Variants in MGMT observed in about 807,000 individuals in gnomAD.
The protein encoded by MGMT is methylated-DNA--protein-cysteine methyltransferase.
In MGMT, 14 loss-of-function variants were observed where a neutral mutation model predicts 15.9. That is an observed-to-expected ratio of 0.88 (90% confidence interval 0.58 to 1.37). The LOEUF is 1.37. Among genes scored for constraint, MGMT ranks in the 40% most tolerant of loss-of-function variants. The pLI is 0.00. For synonymous variants in MGMT, 130 were observed against 118.2 expected (o/e 1.10, Z -0.65); for missense variants, 282 against 268.1 (o/e 1.05, Z -0.36).
chr10:129,521,237 G>T (rs12241333), intron 1 of MGMT, among the ~76,000 whole-genome samples: 1 of 151,952 alleles, frequency 6.6e-6, no homozygotes, highest in African/African-American at 2.4e-5. Context: ...TCATTATTTG[G>T]GAAGTGAGGA....
chr10:129,766,178 C>T (rs1848931915), intron 4 of MGMT, among the ~76,000 whole-genome samples: 1 of 152,198 alleles, frequency 6.6e-6, no homozygotes, highest in South Asian at 2.1e-4. Flanking sequence ...TTGGCCAAGT[C>T]CTCCTGTCAA....
intron 3 of MGMT, among the ~76,000 whole-genome samples, chr10:129,758,906 G>C (rs550532036): frequency 6.6e-6 from 1 of 152,362 alleles, no homozygotes; most frequent in African/African-American, 2.4e-5. Flanking sequence ...CCAGTCGCTA[G>C]AAGAGTGGCA....
intron 2 of MGMT, among the ~76,000 whole-genome samples, chr10:129,622,090 CT>C (rs1436804611): frequency 6.6e-6 from 1 of 152,180 alleles, no homozygotes; most frequent in Non-Finnish European, 1.5e-5. Flanking sequence ...GTTTCTTCCT[CT>C]GGAGTGGATA....
intron 2 of MGMT, among the ~76,000 whole-genome samples, chr10:129,578,571 T>A (rs989004330): frequency 6.6e-6 from 1 of 152,028 alleles, no homozygotes; most frequent in African/African-American, 2.4e-5. Flanking sequence ...TTAGGAGATA[T>A]ACCTAATGCT....
chr10:129,645,099 T>G (rs1030642641), intron 2 of MGMT, among the ~76,000 whole-genome samples: 1 of 150,454 alleles, frequency 6.6e-6, no homozygotes, highest in African/African-American at 2.4e-5. Context: ...GTTCATGTAC[T>G]AAATCAAGCC....
intron 3 of MGMT, among the ~76,000 whole-genome samples, chr10:129,710,721 TGAGGGGGCAG>T (rs1255767535): frequency 6.6e-6 from 1 of 152,034 alleles, no homozygotes; most frequent in Non-Finnish European, 1.5e-5. Flanking sequence ...AAATCAACAG[TGAGGGGGCAG>T]GTCTTCTAGA....
At chr10:129,600,898 AG>A (rs1846813989) in intron 2 of MGMT, among the ~76,000 whole-genome samples, 1 of 152,202 alleles carries the variant, frequency 6.6e-6, no homozygotes, top group Admixed American at 6.5e-5. Context: ...AGCTATCCAG[AG>A]AAATTGGATA....
intron 2 of MGMT, among the ~76,000 whole-genome samples, chr10:129,582,249 G>A (rs781769395): frequency 1.3e-5 from 2 of 152,180 alleles, no homozygotes; most frequent in Non-Finnish European, 1.5e-5. Context: ...ACTCCACCCC[G>A]CCTTCTACCA....
intron 2 of MGMT, among the ~76,000 whole-genome samples, chr10:129,640,996 T>C (rs958089611): frequency 1.3e-5 from 2 of 152,224 alleles, no homozygotes; most frequent in African/African-American, 4.8e-5. Context: ...GTCTGTCCAC[T>C]CTTCCTACAG....
At chr10:129,632,523 A>C (rs899021235) in intron 2 of MGMT, among the ~76,000 whole-genome samples, 14 of 152,222 alleles carry the variant, frequency 9.2e-5, no homozygotes, top group Non-Finnish European at 1.9e-4. Context: ...TTGAAGACCA[A>C]GCTGGTTTTT....
intron 2 of MGMT, among the ~76,000 whole-genome samples, chr10:129,569,386 C>T (rs1846391959): frequency 6.6e-6 from 1 of 152,140 alleles, no homozygotes; most frequent in South Asian, 2.1e-4. Flanking sequence ...TCCAGCACAG[C>T]CTTGTCCTCG....
chr10:129,653,393 C>G (rs1052447232), intron 2 of MGMT, among the ~76,000 whole-genome samples: 1 of 152,256 alleles, frequency 6.6e-6, no homozygotes, highest in Non-Finnish European at 1.5e-5. Context: ...CTAACAGTAA[C>G]TGCTCAGTTT....
At chr10:129,553,039 T>C (rs1411843332) in intron 2 of MGMT, among the ~76,000 whole-genome samples, 2 of 152,234 alleles carry the variant, frequency 1.3e-5, no homozygotes, top group Non-Finnish European at 2.9e-5. Context: ...ACATAGAGCT[T>C]GGATCCACCA....
At chr10:129,528,437 A>G (rs1189488179) in intron 1 of MGMT, among the ~76,000 whole-genome samples, 1 of 150,772 alleles carries the variant, frequency 6.6e-6, no homozygotes, top group Non-Finnish European at 1.5e-5. Context: ...GACAGTGGCC[A>G]CTGTGCAGGC....
chr10:129,617,845 G>A (rs1434339467), intron 2 of MGMT, among the ~76,000 whole-genome samples: 1 of 152,128 alleles, frequency 6.6e-6, no homozygotes, highest in African/African-American at 2.4e-5. Flanking sequence ...ACCTTTGGGG[G>A]ATGCATAGTC....
chr10:129,527,808 G>A (rs1845887365), intron 1 of MGMT, among the ~76,000 whole-genome samples: 1 of 152,082 alleles, frequency 6.6e-6, no homozygotes, highest in African/African-American at 2.4e-5. Context: ...GAGCTGCTGA[G>A]GCAGCTTCAT....
At chr10:129,729,922 T>G (rs1206297929) in intron 3 of MGMT, among the ~76,000 whole-genome samples, 2 of 152,158 alleles carry the variant, frequency 1.3e-5, no homozygotes, top group Non-Finnish European at 2.9e-5. Context: ...TTTGTCAGCA[T>G]TCCCTGAAAC....
At chr10:129,709,631 T>A (rs1360904558) in intron 3 of MGMT, among the ~76,000 whole-genome samples, 1 of 151,974 alleles carries the variant, frequency 6.6e-6, no homozygotes, top group Non-Finnish European at 1.5e-5. Context: ...AGGAGGTATC[T>A]GCATAATCAT....
intron 3 of MGMT, among the ~76,000 whole-genome samples, chr10:129,747,904 T>A (rs1266942394): frequency 6.6e-6 from 1 of 152,196 alleles, no homozygotes; most frequent in Non-Finnish European, 1.5e-5. Context: ...ATGATTTGAC[T>A]GGAGTTACAG....
Sources: gnomAD v4.1 joint callset for allele counts (sites outside exome capture counted in the v4.1 genomes callset) on GRCh38, gnomAD v4.1.1 for gene constraint, MANE v1.5 for transcripts, NCBI Gene and HGNC (gene_info 2026-07-23, HGNC 2026-07-21) for gene names.